The following P4HA3 variants were observed in gnomAD, a reference collection of about 807,000 sequenced individuals.
The protein encoded by P4HA3 is prolyl 4-hydroxylase subunit alpha 3, also known as prolyl 4-hydroxylase subunit alpha-3.
In P4HA3, 60 loss-of-function variants were observed where a neutral mutation model predicts 66.7. The ratio of observed to expected loss-of-function variants is 0.90; its 90% CI spans 0.73 to 1.12. The LOEUF is 1.12. Ranked by LOEUF, P4HA3 falls within the 50% of genes most tolerant of loss-of-function variation. P4HA3 has a pLI of 0.00. For missense variants in P4HA3, 683 were observed against 685.8 expected, an observed-to-expected ratio of 1.00 and a Z score of 0.05; for synonymous variants, 263 against 274.6, an observed-to-expected ratio of 0.96 and a Z score of 0.42.
chr11:74,310,754 T>G (rs1001413698), intron 1 of P4HA3, among the ~76,000 whole-genome samples: 2 of 152,214 alleles, frequency 1.3e-5, no homozygotes, highest in Non-Finnish European at 2.9e-5. Flanking sequence ...ATCATTCACA[T>G]GCAGAGTATG....
chr11:74,276,974 T>G lies in P4HA3; in HGVS notation c.1335+11A>C, dbSNP rs779762923. 10 of 1,608,684 alleles carry G rather than the reference T, an allele frequency of 6.2e-6. No homozygotes were observed. Among genetic ancestry groups the G allele is most frequent in the Admixed American group, 1.7e-5 (1 of 59,620 alleles). Reference sequence around the variant, plus strand: ...CTACCCCAGGGGATTGGTCATTGACTCCACCATTACCGTAGCATGGTCAAA... The same window carrying G: ...CTACCCCAGGGGATTGGTCATTGACGCCACCATTACCGTAGCATGGTCAAA... On this transcript the variant is annotated intron_variant, in intron 9 of 12. Transcript: ENST00000331597.
chr11:74,251,281 A>G (rs1292618794), intron 15 of P4HA3: 9 of 1,363,188 alleles, frequency 6.6e-6, no homozygotes, highest in Non-Finnish European at 7.5e-6. Flanking sequence ...TACTTCTCCA[A>G]TACCCCCAAA....
chr11:74,286,046 A>C, intron 6 of P4HA3, 61 bp from the exon 7 acceptor site: 1 of 1,535,544 alleles, frequency 6.5e-7, no homozygotes, highest in South Asian at 1.1e-5. Context: ...AACTCAACTT[A>C]GGGGAACTAT....
chr11:74,294,275 C>A (rs574547117), intron 4 of P4HA3, among the ~76,000 whole-genome samples: 1 of 152,172 alleles, frequency 6.6e-6, no homozygotes, highest in African/African-American at 2.4e-5. Flanking sequence ...ACGTAGCTCT[C>A]GTGCCTTGGT....
At chr11:74,297,511 C>G (rs946489610) in intron 4 of P4HA3, among the ~76,000 whole-genome samples, 4 of 152,184 alleles carry the variant, frequency 2.6e-5, no homozygotes, top group African/African-American at 9.7e-5. Context: ...GACTGTACAA[C>G]TCGGGTGGGA....
chr11:74,266,951 G>A lies in P4HA3; in HGVS notation c.*297C>T. ...TGATCGAACCTGAGACTGTTGAGAT[G>A]TCCTGTTCCCAACAGAGAGTATCTG... On this transcript the variant is annotated 3_prime_UTR_variant, in exon 13 of 13. Transcript: ENST00000331597. 7.3e-7 allele frequency: 1 copy of A among 1,361,292 alleles called. No individual in the cohort carries two copies. The highest frequency in any genetic ancestry group is 1.5e-5 in the South Asian group (1 of 67,796). 84.3% of individuals were successfully genotyped at this position (1,361,292 alleles called of 1,614,324 possible).
chr11:74,309,873 C>G (rs1861677636), intron 1 of P4HA3, among the ~76,000 whole-genome samples: 1 of 152,196 alleles, frequency 6.6e-6, no homozygotes, highest in South Asian at 2.1e-4. Flanking sequence ...CAAATACTTT[C>G]CACCCACAAA....
chr11:74,273,027 T>G (rs117301559), intron 10 of P4HA3, among the ~76,000 whole-genome samples: 1 of 152,290 alleles, frequency 6.6e-6, no homozygotes, highest in African/African-American at 2.4e-5. Flanking sequence ...GAAGATTTTA[T>G]AGAGAGATAA....
At chr11:74,308,862 T>A (rs1355217545) in intron 1 of P4HA3, among the ~76,000 whole-genome samples, 1 of 152,234 alleles carries the variant, frequency 6.6e-6, no homozygotes, top group East Asian at 1.9e-4. Flanking sequence ...GTACTCTTAA[T>A]CCTTCCAAAA....
chr11:74,266,083 G>T (rs1859985974), downstream of P4HA3, among the ~76,000 whole-genome samples: 1 of 152,124 alleles, frequency 6.6e-6, no homozygotes, highest in African/African-American at 2.4e-5. Context: ...AAAGACTGAG[G>T]GGATGACAAA....
chr11:74,255,929 C>T (rs762782661), intron 15 of P4HA3: 8 of 516,384 alleles, frequency 1.5e-5, no homozygotes, highest in Non-Finnish European at 2.3e-5. Flanking sequence ...GAACACTTTG[C>T]GGGTGCCTTT....
Position 74,302,632 on chromosome 11 carries a change from A to G in P4HA3, c.344-40T>C, listed in dbSNP as rs753912377. 3.2e-6 allele frequency: 5 copies of G among 1,563,084 alleles called. No homozygotes were observed. The East Asian group carries it at 1.1e-4, about 35-fold the overall frequency. On this transcript the variant is annotated intron_variant, in intron 2 of 12. Coordinates refer to ENST00000331597, the MANE Select transcript of P4HA3 (RefSeq NM_182904.5). Reference sequence around the variant, plus strand: ...AAAACATCAACCCAGCATTCAAGAAACAGGAGTTGGGCATTTAATACATGT... The same window carrying G: ...AAAACATCAACCCAGCATTCAAGAAGCAGGAGTTGGGCATTTAATACATGT...
chr11:74,304,221 T>C, intron 2 of P4HA3, 49 bp downstream of exon 2: 2 of 1,600,634 alleles, frequency 1.2e-6, no homozygotes, highest in African/African-American at 1.3e-5. Context: ...TACCACCGAG[T>C]CAGGAGATAG....
chr11:74,275,139 T>C (rs1860352274), intron 9 of P4HA3, among the ~76,000 whole-genome samples: 1 of 152,236 alleles, frequency 6.6e-6, no homozygotes, highest in African/African-American at 2.4e-5. Flanking sequence ...GTCTTTTCCT[T>C]TTCTAATGAT....
intron 1 of P4HA3, among the ~76,000 whole-genome samples, chr11:74,309,631 A>G (rs1186273518): frequency 6.6e-6 from 1 of 152,256 alleles, no homozygotes; most frequent in Non-Finnish European, 1.5e-5. Flanking sequence ...ACTCTGGGCT[A>G]TGAACAAAAA....
At chr11:74,251,255 T>C (rs1859652192) in intron 15 of P4HA3, 1 of 1,379,112 alleles carries the variant, frequency 7.3e-7, no homozygotes, top group Non-Finnish European at 9.4e-7. Context: ...GGCCCTGTGG[T>C]TAAGATCTTA....
intron 10 of P4HA3, among the ~76,000 whole-genome samples, chr11:74,271,228 G>C (rs1303208257): frequency 2.0e-5 from 3 of 152,134 alleles, no homozygotes. Context: ...AGCATTCCTT[G>C]GCTCTCCCTG....
At chr11:74,287,275 T>C in intron 5 of P4HA3, 1 of 1,289,414 alleles carries the variant, frequency 7.8e-7, no homozygotes, top group African/African-American at 1.5e-5. Context: ...AGTGTGCTTC[T>C]AACCACAACC....
intron 9 of P4HA3, among the ~76,000 whole-genome samples, chr11:74,275,474 C>A (rs980132871): frequency 8.5e-5 from 13 of 152,108 alleles, no homozygotes; most frequent in East Asian, 5.8e-4. Context: ...TTGTCAAAAC[C>A]AATTGATCAT....
Sources: gnomAD v4.1 joint callset for allele counts (sites outside exome capture counted in the v4.1 genomes callset) on GRCh38, gnomAD v4.1.1 for gene constraint, MANE v1.5 for transcripts, NCBI Gene and HGNC (gene_info 2026-07-23, HGNC 2026-07-21) for gene names.